Variants in ZNF562 observed in about 807,000 individuals in gnomAD.
ZNF562 encodes the protein zinc finger protein 562.
Under a neutral mutation model 17.5 loss-of-function variants are expected in ZNF562, and 13 were observed. That is an observed-to-expected ratio of 0.74 (90% CI 0.48 to 1.18). The LOEUF (loss-of-function observed/expected upper bound fraction) is 1.18. ZNF562 is among the 50% of genes most tolerant of loss of function. ZNF562 has a pLI of 0.00. For missense variants in ZNF562, 481 were observed against 498.5 expected, an observed-to-expected ratio of 0.96 and a Z score of 0.33; for synonymous variants, 163 against 165.4, an observed-to-expected ratio of 0.99 and a Z score of 0.11.
chr19:9,655,567 G>A (rs1236066398), intron 5 of ZNF562, among the ~76,000 whole-genome samples: 3 of 151,838 alleles, frequency 2.0e-5, no homozygotes, highest in Middle Eastern at 3.4e-3. Flanking sequence ...GGGATTACAG[G>A]TGCCCACCAC....
At chr19:9,654,455 G>T (rs892609390) in intron 5 of ZNF562, among the ~76,000 whole-genome samples, 6 of 151,844 alleles carry the variant, frequency 4.0e-5, no homozygotes, top group African/African-American at 1.2e-4. Flanking sequence ...CCAATTTTTT[G>T]ATTTATTTAT....
intron 5 of ZNF562, among the ~76,000 whole-genome samples, chr19:9,655,317 A>T (rs2043423624): frequency 6.6e-6 from 1 of 151,956 alleles, no homozygotes; most frequent in Non-Finnish European, 1.5e-5. Context: ...TGAAACTTTA[A>T]ATCCTCAATG....
Position 9,652,859 on chromosome 19 carries a change from CCAAATTCTTTA to C in ZNF562, c.*79_*89del. On this transcript the variant is annotated 3_prime_UTR_variant, in exon 6 of 6. Transcript: ENST00000453372. ...GCATGAGGAAAGAGCAAATGCTTTC[CCAAATTCTTTA>C]CATACAAAAGGTTTCTCTCTGGTAG... 1 of 1,283,438 alleles carries C rather than the reference CCAAATTCTTTA, an allele frequency of 7.8e-7. No homozygotes were observed. The highest frequency in any genetic ancestry group is 1.0e-6 in the Non-Finnish European group (1 of 955,914). The allele number at this position is 1,283,438 out of a possible 1,614,324, so 79.5% of individuals were successfully genotyped here.
At chr19:9,656,031 C>A (rs1353680213) in intron 5 of ZNF562, among the ~76,000 whole-genome samples, 1 of 152,024 alleles carries the variant, frequency 6.6e-6, no homozygotes, top group African/African-American at 2.4e-5. Flanking sequence ...CCACATCCAG[C>A]CTCTTTTTAA....
chr19:9,654,356 A>G (rs1278190008), intron 5 of ZNF562, among the ~76,000 whole-genome samples: 2 of 152,172 alleles, frequency 1.3e-5, no homozygotes, highest in Non-Finnish European at 2.9e-5. Flanking sequence ...TGCAGTGATC[A>G]TGGCTCACTG....
intron 1 of ZNF562, among the ~76,000 whole-genome samples, chr19:9,669,716 G>GCAC: frequency 1.2e-5 from 1 of 83,982 alleles, no homozygotes; most frequent in South Asian, 3.5e-4. Flanking sequence ...GCACGCGCGC[G>GCAC]AGCGCGCGCG....
intron 1 of ZNF562, among the ~76,000 whole-genome samples, chr19:9,669,930 C>T (rs576473282): frequency 1.6e-4 from 24 of 152,050 alleles, no homozygotes; most frequent in Middle Eastern, 3.4e-3. Context: ...GGCATGGTGG[C>T]GTGCACCTGT....
At chr19:9,661,659 G>A (rs1453015117) in intron 1 of ZNF562, among the ~76,000 whole-genome samples, 1 of 152,124 alleles carries the variant, frequency 6.6e-6, no homozygotes, top group Non-Finnish European at 1.5e-5. Flanking sequence ...GCTGGGTGTG[G>A]TGGTGGGCAC....
rs747539159 is a variant in ZNF562 at position 9,658,092 on chromosome 19, T to C, written c.158A>G (p.Glu53Gly). The C allele has an allele frequency of 1.9e-6, 3 of 1,613,888 alleles. No individual in the cohort carries two copies. Among genetic ancestry groups the C allele is most frequent in the East Asian group, 4.5e-5 (2 of 44,884 alleles). Residue 53 changes from glutamate to glycine, a missense_variant, in exon 4 of 6, where the codon GAG becomes GGG. Coordinates refer to ENST00000453372, the MANE Select transcript of ZNF562 (RefSeq NM_001130031.2). Reference protein sequence around the residue: ...FDDVAVEFTPEEWALLDTTQK... With the variant: ...FDDVAVEFTPGEWALLDTTQK... Reference sequence around the variant, plus strand: ...AGTTGTGTCCAGTAAAGCCCACTCCTCTGGGGTGAACTCCACAGCCACATC... The same window carrying C: ...AGTTGTGTCCAGTAAAGCCCACTCCCCTGGGGTGAACTCCACAGCCACATC...
chr19:9,652,929 C>A lies in ZNF562; in HGVS notation c.*20G>T. The A allele has an allele frequency of 2.0e-6, 3 of 1,468,104 alleles. No individual in the cohort carries two copies. Among genetic ancestry groups the A allele is most frequent in the East Asian group, 4.7e-5 (2 of 42,892 alleles). 90.9% of individuals were successfully genotyped at this position (1,468,104 alleles called of 1,614,324 possible). A position where few individuals can be genotyped will look rare whatever the true frequency, so the allele number is the denominator to read the frequency against. ...AGGTGGGGTGAGGAATACAGAAATTCTTTCCCACATATCTTGCATTTACCT... is the reference window on the plus strand; with the variant it reads ...AGGTGGGGTGAGGAATACAGAAATTATTTCCCACATATCTTGCATTTACCT... On this transcript the variant is annotated 3_prime_UTR_variant, in exon 6 of 6. Coordinates refer to ENST00000453372, the MANE Select transcript of ZNF562 (RefSeq NM_001130031.2).
At chr19:9,659,902 G>C (rs1276141138) in intron 2 of ZNF562, among the ~76,000 whole-genome samples, 1 of 111,516 alleles carries the variant, frequency 9.0e-6, no homozygotes, top group African/African-American at 3.5e-5. Flanking sequence ...GACCAGCCTG[G>C]CCAACATGGC....
chr19:9,641,858 CA>C lies in ZNF562; in HGVS notation c.*11090del. The C allele has an allele frequency of 6.6e-6, 1 of 152,268 alleles. No homozygotes were observed. Among genetic ancestry groups the C allele is most frequent in the South Asian group, 2.1e-4 (1 of 4,828 alleles). 9.4% of individuals were successfully genotyped at this position (152,268 alleles called of 1,614,324 possible). ...ATCCGGATGTGGATGGGCTGTCCAACAAAACAGTCAGCAAAGGGTGGTGGGA... is the reference window on the plus strand; with the variant it reads ...ATCCGGATGTGGATGGGCTGTCCAACAAACAGTCAGCAAAGGGTGGTGGGA... On this transcript the variant is annotated 3_prime_UTR_variant, in exon 6 of 6. Transcript: ENST00000453372.
chr19:9,646,477 TATATA>T lies in ZNF562; in HGVS notation c.*6467_*6471del, dbSNP rs1188602352. On this transcript the variant is annotated 3_prime_UTR_variant, in exon 6 of 6. Coordinates refer to ENST00000453372, the MANE Select transcript of ZNF562 (RefSeq NM_001130031.2). ...TAGAGGAAAATCAAGCTGATGTAAC[TATATA>T]AATATCTAACAGAATTAGTGGAACA... 1.3e-5 allele frequency: 2 copies of T among 152,168 alleles called. No homozygotes were observed. Among genetic ancestry groups the T allele is most frequent in the Non-Finnish European group, 2.9e-5 (2 of 68,010 alleles). 9.4% of individuals were successfully genotyped at this position (152,168 alleles called of 1,614,324 possible).
At chr19:9,663,864 C>G (rs541395440) in intron 1 of ZNF562, among the ~76,000 whole-genome samples, 33 of 152,044 alleles carry the variant, frequency 2.2e-4, no homozygotes, top group African/African-American at 8.0e-4. Flanking sequence ...GATTCTCCTG[C>G]CACAGCCTCC....
rs2144938628 is a variant in ZNF562, at chr19:9,644,598, A to G, written c.*8351T>C. On this transcript the variant is annotated 3_prime_UTR_variant, in exon 6 of 6. Coordinates refer to ENST00000453372, the MANE Select transcript of ZNF562 (RefSeq NM_001130031.2). ...TCATGACAGAAGGTGAAGGAGGAGC[A>G]AAGGCACATCTTATATGGCAGAAGG... The G allele has an allele frequency of 6.6e-6, 1 of 152,386 alleles. No individual in the cohort carries two copies. Among genetic ancestry groups the G allele is most frequent in the East Asian group, 1.9e-4 (1 of 5,192 alleles). The allele number at this position is 152,386 out of a possible 1,614,324, so 9.4% of individuals were successfully genotyped here. A position where few individuals can be genotyped will look rare whatever the true frequency, so the allele number is the denominator to read the frequency against.
intron 2 of ZNF562, among the ~76,000 whole-genome samples, chr19:9,660,204 A>C (rs1265282460): frequency 2.0e-5 from 3 of 151,948 alleles, no homozygotes; most frequent in South Asian, 4.2e-4. Context: ...CGGAGGTTTC[A>C]GTGAGCCAAG....
intron 2 of ZNF562, 149 bp from the exon 3 acceptor site, chr19:9,659,616 G>C: frequency 2.9e-6 from 3 of 1,024,932 alleles, no homozygotes; most frequent in Non-Finnish European, 2.8e-6. Context: ...TGCCGTAGTA[G>C]TCCTGTATCA....
intron 1 of ZNF562, among the ~76,000 whole-genome samples, chr19:9,661,975 T>C (rs2145005398): frequency 6.6e-6 from 1 of 152,224 alleles, no homozygotes; most frequent in Admixed American, 6.5e-5. Context: ...TTGCCCAGGC[T>C]GGTCTCAAAC....
At chr19:9,668,071 C>A (rs2044018816) in intron 1 of ZNF562, among the ~76,000 whole-genome samples, 1 of 152,112 alleles carries the variant, frequency 6.6e-6, no homozygotes, top group South Asian at 2.1e-4. Flanking sequence ...TTTACAATAG[C>A]TGCAAAGACT....
Sources: gnomAD v4.1 joint callset for allele counts (sites outside exome capture counted in the v4.1 genomes callset) on GRCh38, gnomAD v4.1.1 for gene constraint, MANE v1.5 for transcripts, NCBI Gene and HGNC (gene_info 2026-07-23, HGNC 2026-07-21) for gene names.